Variants in RAPGEF3 observed in about 807,000 individuals in gnomAD.
The protein encoded by RAPGEF3 is Rap guanine nucleotide exchange factor 3.
RAPGEF3 carries 103 observed loss-of-function variants against 129.8 expected under a neutral mutation model. That is an observed-to-expected ratio of 0.79 (90% CI 0.68 to 0.93). The LOEUF is 0.93. Among genes scored for constraint, RAPGEF3 ranks in the 40% least tolerant of loss-of-function variants. RAPGEF3 has a pLI of 0.00. For missense variants in RAPGEF3, 1,117 were observed against 1,207.4 expected, an observed-to-expected ratio of 0.93 and a Z score of 1.11; for synonymous variants, 436 against 482.6, an observed-to-expected ratio of 0.90 and a Z score of 1.26.
chr12:47,743,995 C>T lies in RAPGEF3; in HGVS notation c.1670G>A (p.Gly557Glu), dbSNP rs1336197474. ...LPGSSCAIQV[G>E]DKVPYDICRP... is the part of the protein sequence containing the mutation. The stretch of plus-strand genomic sequence containing the variant: ...CGGCACAGACCACCAACCTTTATCC[C>T]CAACTTGGATGGCACAGCTGCTGCC... The change falls in exon 17 of 28, where the codon GGG becomes GAG. Residue 557 changes from glycine (G) to glutamate (E), a missense_variant. By Grantham distance (98) the Gly-to-Glu change is moderately conservative (BLOSUM62 -2). Coordinates refer to ENST00000449771, the MANE Select transcript of RAPGEF3 (RefSeq NM_001098531.4). 6.2e-7 allele frequency: 1 copy of T among 1,607,048 alleles called. No homozygotes were observed. The highest frequency in any genetic ancestry group is 1.1e-5 in the South Asian group (1 of 90,904).
At position 47,735,932 on chromosome 12, in the gene RAPGEF3, G is replaced by A. The variant is rs149959522; in HGVS notation, c.*1635C>T. 3.0e-3 allele frequency: 463 copies of A among 152,452 alleles called. 2 individuals are homozygous for A. Among genetic ancestry groups the A allele is most frequent in the Non-Finnish European group, 5.3e-3 (362 of 68,164 alleles). 9.4% of individuals were successfully genotyped at this position (152,452 alleles called of 1,614,324 possible). ...TGCTTCTCCTGTGTCCCCACCCACGGCAAGGGAACTGGTTTGGTTACCACT... is the reference window on the plus strand; with the variant it reads ...TGCTTCTCCTGTGTCCCCACCCACGACAAGGGAACTGGTTTGGTTACCACT... On this transcript the variant is annotated 3_prime_UTR_variant, in exon 28 of 28. Coordinates refer to ENST00000449771, the MANE Select transcript of RAPGEF3 (RefSeq NM_001098531.4).
chr12:47,738,758 CA>C lies in RAPGEF3; in HGVS notation c.2462-5del. The stretch of plus-strand genomic sequence containing the variant: ...CCCTCATGAATGAAGGTCATGTCTG[CA>C]AAGAGATGGGTTTTGTTCATAGGTC... On this transcript the variant is annotated splice_polypyrimidine_tract_variant and splice_region_variant and intron_variant, in intron 24 of 27. Transcript: ENST00000449771. 1 of 1,606,924 alleles carries C rather than the reference CA, an allele frequency of 6.2e-7. No homozygotes were observed. The highest frequency in any genetic ancestry group is 8.5e-7 in the Non-Finnish European group (1 of 1,173,496).
rs1940812097 is a variant in RAPGEF3, at chr12:47,736,716, CAA to C, written c.*849_*850del. On this transcript the variant is annotated 3_prime_UTR_variant, in exon 28 of 28. Transcript: ENST00000449771. ...CTGGCCCAACAGGCCAGGACGAGCT[CAA>C]GTGTGGAAAAGCGGGGATTGCAGTT... is the stretch of plus-strand genomic sequence containing the variant. 1 of 152,468 alleles carries C rather than the reference CAA, an allele frequency of 6.6e-6. No individual in the cohort carries two copies. The highest frequency in any genetic ancestry group is 2.1e-4 in the South Asian group (1 of 4,838). 9.4% of individuals were successfully genotyped at this position (152,468 alleles called of 1,614,324 possible).
rs765852540 is a variant in RAPGEF3 at position 47,741,620 on chromosome 12, G to A, written c.1826-18C>T. The stretch of plus-strand genomic sequence containing the variant: ...AATGGCATCTGCAAAGACAGCAGAG[G>A]CGGACTGGGTGGGGGAAGGGAGGGA... On this transcript the variant is annotated intron_variant, in intron 18 of 27. Coordinates refer to ENST00000449771, the MANE Select transcript of RAPGEF3 (RefSeq NM_001098531.4). The A allele has an allele frequency of 1.2e-6, 2 of 1,608,228 alleles. No individual in the cohort carries two copies. The highest frequency in any genetic ancestry group is 2.2e-5 in the East Asian group (1 of 44,840).
chr12:47,754,612 T>C (rs1403817150), intron 2 of RAPGEF3, among the ~76,000 whole-genome samples: 2 of 152,224 alleles, frequency 1.3e-5, no homozygotes, highest in African/African-American at 4.8e-5. Flanking sequence ...CAAAGGGTTA[T>C]GAGGATCAAA....
In RAPGEF3 at chr12:47,749,210, C is replaced by T; in HGVS notation, c.1041+180G>A. ...CTGGTCTCACTGAACTCCTTCTGTG[C>T]CTTATGGGCTTCACCTTCTCACACA... is the stretch of plus-strand genomic sequence containing the variant. On this transcript the variant is annotated intron_variant, in intron 10 of 27. Coordinates refer to ENST00000449771, the MANE Select transcript of RAPGEF3 (RefSeq NM_001098531.4). The surrounding 1 kb of genome is among the most constrained non-coding windows in gnomAD (Gnocchi z 4.5). 1.3e-6 allele frequency: 1 copy of T among 769,310 alleles called. No homozygotes were observed. 47.7% of individuals were successfully genotyped at this position (769,310 alleles called of 1,614,324 possible). A position where few individuals can be genotyped will look rare whatever the true frequency, so the allele number is the denominator to read the frequency against.
In RAPGEF3 at chr12:47,758,059, C is replaced by A; in HGVS notation, c.26G>T (p.Ser9Ile). The change falls in exon 2 of 28, where the codon AGC (serine) becomes ATC (isoleucine). Residue 9 changes from serine to isoleucine, a missense_variant. Coordinates refer to ENST00000449771, the MANE Select transcript of RAPGEF3 (RefSeq NM_001098531.4). Reference sequence around the variant, plus strand: ...CACAGCCAGGCCCACCTGCCAGCAGCTCTCACCTGGCCAGCCCACCTGTGA... The same window carrying A: ...CACAGCCAGGCCCACCTGCCAGCAGATCTCACCTGGCCAGCCCACCTGTGA... Reference protein sequence around the residue: MKVGWPGESCWQVGLAVED... With the variant: MKVGWPGEICWQVGLAVED... 6.4e-7 allele frequency: 1 copy of A among 1,569,492 alleles called. No homozygotes were observed. The highest frequency in any genetic ancestry group is 8.6e-7 in the Non-Finnish European group (1 of 1,157,044).
At chr12:47,744,146 T>C in intron 16 of RAPGEF3, 78 bp from the exon 17 acceptor site, 2 of 1,248,268 alleles carry the variant, frequency 1.6e-6, no homozygotes, top group Non-Finnish European at 2.3e-6. Flanking sequence ...GTGAGGTCCC[T>C]GTGTCACCAG....
At chr12:47,739,300 AG>A in intron 23 of RAPGEF3, 70 bp from the exon 24 acceptor site, 1 of 1,237,618 alleles carries the variant, frequency 8.1e-7, no homozygotes, top group Non-Finnish European at 1.2e-6. Flanking sequence ...CCAACCAAGG[AG>A]GGGCCACATG....
At chr12:47,753,801 A>C (rs1592574114) in intron 2 of RAPGEF3, 3 of 152,320 alleles carry the variant, frequency 2.0e-5, no homozygotes. Context: ...AGGCTCCAGC[A>C]CCAGCCCCCT....
chr12:47,741,265 T>G (rs556281391), intron 19 of RAPGEF3: 10 of 689,440 alleles, frequency 1.5e-5, no homozygotes, highest in Non-Finnish European at 2.4e-5. Flanking sequence ...AACCCCTAAC[T>G]AGGGCAGGTC....
In RAPGEF3 at chr12:47,737,521, T is replaced by A. The variant is rs1940848414; in HGVS notation, c.*46A>T. On this transcript the variant is annotated 3_prime_UTR_variant, in exon 28 of 28. Coordinates refer to ENST00000449771, the MANE Select transcript of RAPGEF3 (RefSeq NM_001098531.4). ...GTATCTTGGCCCGGCACACCCTGGC[T>A]TTCCCGGCTGCAAGTGCCTGCTCCA... is the stretch of plus-strand genomic sequence containing the variant. 6.4e-7 allele frequency: 1 copy of A among 1,569,482 alleles called. No homozygotes were observed. Among genetic ancestry groups the A allele is most frequent in the South Asian group, 1.1e-5 (1 of 88,884 alleles).
chr12:47,755,377 A>C (rs368894754), intron 2 of RAPGEF3, among the ~76,000 whole-genome samples: 10 of 152,170 alleles, frequency 6.6e-5, no homozygotes, highest in African/African-American at 2.4e-4. Context: ...CTGTATAACT[A>C]TTAACTACTA....
At position 47,734,557 on chromosome 12, in the gene RAPGEF3, A is replaced by G. The variant is rs1009003861; in HGVS notation, c.*3010T>C. 1 of 152,248 alleles carries G rather than the reference A, an allele frequency of 6.6e-6. No homozygotes were observed. The highest frequency in any genetic ancestry group is 1.5e-5 in the Non-Finnish European group (1 of 68,054). 9.4% of individuals were successfully genotyped at this position (152,248 alleles called of 1,614,324 possible). On this transcript the variant is annotated 3_prime_UTR_variant, in exon 28 of 28. Transcript: ENST00000449771. ...CCTTGGGCAAACCTGCCTGTGCCTCAGTTTCTTTGACTGTAAAACCAGAGT... is the reference window on the plus strand; with the variant it reads ...CCTTGGGCAAACCTGCCTGTGCCTCGGTTTCTTTGACTGTAAAACCAGAGT...
intron 23 of RAPGEF3, 168 bp downstream of exon 23, chr12:47,739,973 C>G: frequency 1.3e-6 from 1 of 795,172 alleles, no homozygotes; most frequent in Non-Finnish European, 2.1e-6. Context: ...CAGCCAGCTC[C>G]CCAAACTCAC....
chr12:47,743,825 G>A (rs1941286143), intron 17 of RAPGEF3, 149 bp from the exon 18 acceptor site: 1 of 1,366,334 alleles, frequency 7.3e-7, no homozygotes, highest in Non-Finnish European at 1.0e-6. Context: ...AGGCAGGTAG[G>A]AGGCAGATCT....
intron 25 of RAPGEF3, 81 bp downstream of exon 25, chr12:47,738,609 T>A: frequency 1.6e-6 from 2 of 1,269,170 alleles, no homozygotes; most frequent in East Asian, 2.3e-5. Context: ...TTAAGCTGCC[T>A]CCAAGCCCTG....
At chr12:47,757,789 G>T in intron 2 of RAPGEF3, 77 bp downstream of exon 2, 1 of 1,369,220 alleles carries the variant, frequency 7.3e-7, no homozygotes, top group Non-Finnish European at 9.9e-7. Context: ...GCCACCAGCA[G>T]CATGCCAAGC....
chr12:47,756,966 TAAAA>T lies in RAPGEF3; in HGVS notation c.219+896_219+899del, dbSNP rs112318307. ...CCTGGTGACAGAGGAAGACTCTGGT[TAAAA>T]AAAAAAAAAAGAAAGAAAAGAAAAA... On this transcript the variant is annotated intron_variant, in intron 2 of 27. Transcript: ENST00000449771. Among the ~76,000 whole-genome samples, 8 of 136,732 alleles carry T rather than the reference TAAAA, an allele frequency of 5.9e-5. No homozygotes were observed. In the Admixed American group the frequency reaches 5.9e-4, roughly 10 times the overall value. The allele number at this position is 136,732 out of a possible 152,430, so 89.7% of individuals were successfully genotyped here. A position where few individuals can be genotyped will look rare whatever the true frequency, so the allele number is the denominator to read the frequency against.
Sources: gnomAD v4.1 joint callset for allele counts (sites outside exome capture counted in the v4.1 genomes callset) on GRCh38, gnomAD v4.1.1 for gene constraint, Gnocchi (gnomAD v3.1) non-coding constraint, MANE v1.5 for transcripts, NCBI Gene and HGNC (gene_info 2026-07-23, HGNC 2026-07-21) for gene names.